DCLK3: variants seen among roughly 807,000 people sequenced by gnomAD.
DCLK3 encodes serine/threonine-protein kinase DCLK3.
A neutral mutation model predicts 46.4 loss-of-function variants in DCLK3; 30 were observed. That is an observed-to-expected ratio of 0.65 (90% CI 0.48 to 0.88). DCLK3 has a LOEUF of 0.88. Among genes scored for constraint, DCLK3 ranks in the 40% least tolerant of loss-of-function variants. DCLK3 has a pLI of 0.00. For synonymous variants in DCLK3, 401 were observed against 339.2 expected (o/e 1.18, Z -2.00); for missense variants, 846 against 907.1 (o/e 0.93, Z 0.87).
chr3:36,747,847 A>C (rs533268666), intron 1 of DCLK3, among the ~76,000 whole-genome samples: 12 of 152,208 alleles, frequency 7.9e-5, no homozygotes, highest in Non-Finnish European at 1.2e-4. Flanking sequence ...TTAGAAATGC[A>C]GAATTTCAGG....
At chr3:36,728,526 GTC>G (rs1486775397) in intron 2 of DCLK3, among the ~76,000 whole-genome samples, 3 of 151,538 alleles carry the variant, frequency 2.0e-5, no homozygotes, top group Non-Finnish European at 1.5e-5. Flanking sequence ...GTGTCTCTCT[GTC>G]TCTCTCTCTC....
At chr3:36,729,131 C>G (rs780530266) in intron 2 of DCLK3, among the ~76,000 whole-genome samples, 8 of 152,140 alleles carry the variant, frequency 5.3e-5, no homozygotes, top group South Asian at 2.1e-4. Flanking sequence ...CCTCAGGACT[C>G]TCGGCTGACC....
chr3:36,762,664 T>G (rs908788826), intron 1 of DCLK3, among the ~76,000 whole-genome samples: 4 of 152,086 alleles, frequency 2.6e-5, no homozygotes, highest in African/African-American at 9.7e-5. Flanking sequence ...CCTACAAACA[T>G]AGGCTCTGCC....
intron 1 of DCLK3, among the ~76,000 whole-genome samples, chr3:36,753,504 C>G (rs1042761366): frequency 6.6e-6 from 1 of 151,944 alleles, no homozygotes. Flanking sequence ...TTTGTACTCA[C>G]GATGAAAAAA....
intron 2 of DCLK3, among the ~76,000 whole-genome samples, chr3:36,729,500 G>A (rs1241359903): frequency 6.6e-6 from 1 of 152,138 alleles, no homozygotes; most frequent in African/African-American, 2.4e-5. Flanking sequence ...GAATTCAAGT[G>A]GTCTACATTA....
At chr3:36,731,784 G>A (rs922203282) in intron 2 of DCLK3, among the ~76,000 whole-genome samples, 3 of 152,068 alleles carry the variant, frequency 2.0e-5, no homozygotes, top group Non-Finnish European at 4.4e-5. Flanking sequence ...GACCATGGCT[G>A]CGGACTCCTC....
chr3:36,752,975 G>A (rs1701456244), intron 1 of DCLK3, among the ~76,000 whole-genome samples: 1 of 152,100 alleles, frequency 6.6e-6, no homozygotes, highest in East Asian at 1.9e-4. Flanking sequence ...TGATGTCCCT[G>A]GTATCTAATT....
intron 1 of DCLK3, among the ~76,000 whole-genome samples, chr3:36,763,364 C>T (rs1215982070): frequency 2.0e-5 from 3 of 152,268 alleles, no homozygotes; most frequent in African/African-American, 7.2e-5. Context: ...AAGGTGTCCC[C>T]AGACGCCTCT....
chr3:36,725,267 G>A (rs769684043), intron 2 of DCLK3, among the ~76,000 whole-genome samples: 58 of 149,234 alleles, frequency 3.9e-4, no homozygotes, highest in Non-Finnish European at 6.2e-4. Context: ...AGCTGAGCTC[G>A]CGCCACTGCA....
intron 3 of DCLK3, among the ~76,000 whole-genome samples, chr3:36,718,720 A>C (rs1378668262): frequency 6.6e-6 from 1 of 151,998 alleles, no homozygotes; most frequent in African/African-American, 2.4e-5. Flanking sequence ...CTATATATCC[A>C]TTGTCTTCTC....
chr3:36,725,621 T>C (rs188512325), intron 2 of DCLK3, among the ~76,000 whole-genome samples: 49 of 152,170 alleles, frequency 3.2e-4, no homozygotes, highest in Middle Eastern at 6.8e-3. Flanking sequence ...TGTCTCAAAA[T>C]AAAAGAGGGG....
At position 36,715,481 on chromosome 3, in the gene DCLK3, G is replaced by A. The variant is rs1354003933; in HGVS notation, c.2301C>T (p.Pro767=). The A allele has an allele frequency of 1.9e-6, 3 of 1,570,794 alleles. No individual in the cohort carries two copies. Residue 767 remains proline, a synonymous_variant, in exon 5 of 5, where the codon CCC becomes CCT. Coordinates refer to ENST00000636136, the MANE Select transcript of DCLK3 (RefSeq NM_001394672.2). ...CCTGATGAGCTGTGTAGCGCTTTTT[G>A]GGGTCTACCACCAGCAACCGGCTCA... is the stretch of plus-strand genomic sequence containing the variant. ...DLVSRLLVVD[P]KKRYTAHQVL...
chr3:36,755,340 C>G (rs1336628823), intron 1 of DCLK3, among the ~76,000 whole-genome samples: 1 of 152,030 alleles, frequency 6.6e-6, no homozygotes, highest in East Asian at 1.9e-4. Context: ...ATTACAATGT[C>G]TTGGTACTTG....
At chr3:36,760,986 G>A (rs1292381547) in intron 1 of DCLK3, among the ~76,000 whole-genome samples, 1 of 152,210 alleles carries the variant, frequency 6.6e-6, no homozygotes, top group Non-Finnish European at 1.5e-5. Context: ...GAGCCCAAAT[G>A]TGAAAGCAAT....
chr3:36,743,718 C>T (rs954459097), intron 1 of DCLK3, among the ~76,000 whole-genome samples: 9 of 152,146 alleles, frequency 5.9e-5, no homozygotes, highest in African/African-American at 2.2e-4. Flanking sequence ...GAAGAGCAAG[C>T]ACTACTTTTG....
chr3:36,722,901 C>T (rs1325961759), intron 2 of DCLK3, among the ~76,000 whole-genome samples: 1 of 152,240 alleles, frequency 6.6e-6, no homozygotes, highest in East Asian at 1.9e-4. Flanking sequence ...TAGAGTGGGG[C>T]ACTGCTGGAA....
chr3:36,753,837 T>C (rs1701464326), intron 1 of DCLK3, among the ~76,000 whole-genome samples: 2 of 152,058 alleles, frequency 1.3e-5, no homozygotes, highest in Admixed American at 1.3e-4. Context: ...ACTCAGCTAA[T>C]TTTTGTTGTT....
At chr3:36,721,771 GA>G (rs1701064610) in intron 2 of DCLK3, 112 bp from the exon 3 acceptor site, 1 of 1,303,246 alleles carries the variant, frequency 7.7e-7, no homozygotes, top group African/African-American at 1.5e-5. Flanking sequence ...AAACCTATAT[GA>G]GATTACAGCT....
intron 3 of DCLK3, among the ~76,000 whole-genome samples, chr3:36,719,417 T>C (rs1017314388): frequency 1.3e-5 from 2 of 152,246 alleles, no homozygotes; most frequent in African/African-American, 2.4e-5. Flanking sequence ...AAGTCACTAA[T>C]GACCTCTTTT....
Sources: gnomAD v4.1 joint callset for allele counts (sites outside exome capture counted in the v4.1 genomes callset) on GRCh38, gnomAD v4.1.1 for gene constraint, MANE v1.5 for transcripts, NCBI Gene and HGNC (gene_info 2026-07-23, HGNC 2026-07-21) for gene names.